The following CCDC141 variants were observed in gnomAD, a reference collection of about 807,000 sequenced individuals.
The protein encoded by CCDC141 is coiled-coil domain-containing protein 141.
A neutral mutation model predicts 181.0 loss-of-function variants in CCDC141; 168 were observed. The observed-to-expected ratio is 0.93, with a 90% CI of 0.82 to 1.05. CCDC141 has a LOEUF of 1.05. Ranked by LOEUF, CCDC141 falls within the 50% of genes least tolerant of loss-of-function variation. The probability of loss-of-function intolerance (pLI) is 0.00; values close to 1 mark genes in which losing one functional copy is unlikely to be tolerated. For synonymous variants in CCDC141, 666 were observed against 642.3 expected (o/e 1.04, Z -0.56); for missense variants, 1,902 against 1,788.5 (o/e 1.06, Z -1.14).
At chr2:178,903,752 A>G (rs1350600900) in intron 8 of CCDC141, among the ~76,000 whole-genome samples, 1 of 150,676 alleles carries the variant, frequency 6.6e-6, no homozygotes, top group Non-Finnish European at 1.5e-5. Flanking sequence ...AACTTAAAGT[A>G]TAGTAATAAT....
At chr2:178,926,334 A>G (rs975398477) in intron 6 of CCDC141, among the ~76,000 whole-genome samples, 4 of 152,214 alleles carry the variant, frequency 2.6e-5, no homozygotes, top group African/African-American at 9.6e-5. Context: ...GATAGATTCT[A>G]TAAAAATAGT....
At position 178,834,129 on chromosome 2, in the gene CCDC141, C is replaced by T. The variant is rs1684372304; in HGVS notation, c.*44G>A. 6.6e-7 allele frequency: 1 copy of T among 1,521,772 alleles called. No individual in the cohort carries two copies. Among genetic ancestry groups the T allele is most frequent in the Non-Finnish European group, 8.8e-7 (1 of 1,136,108 alleles). 94.3% of individuals were successfully genotyped at this position (1,521,772 alleles called of 1,614,324 possible). A position where few individuals can be genotyped will look rare whatever the true frequency, so the allele number is the denominator to read the frequency against. ...CAGGAAGATAAACGGCGGCACTTTTCTTTAGGCACATGAGAATGATGTCCA... is the reference window on the plus strand; with the variant it reads ...CAGGAAGATAAACGGCGGCACTTTTTTTTAGGCACATGAGAATGATGTCCA... On this transcript the variant is annotated 3_prime_UTR_variant, in exon 24 of 24. Transcript: ENST00000443758.
At chr2:178,819,723 A>G in the CCDC141 span, among the ~76,000 whole-genome samples, 1 of 152,168 alleles carries the variant, frequency 6.6e-6, no homozygotes, top group Non-Finnish European at 1.5e-5. Context: ...TACAGTGTAT[A>G]GGACAACCCC....
In CCDC141 at chr2:178,829,944, A is replaced by T. The variant is rs979654032; in HGVS notation, c.*4229T>A. On this transcript the variant is annotated 3_prime_UTR_variant, in exon 24 of 24. Transcript: ENST00000443758. ...TTTCCTTTCTTCATTTGGAATTCAA[A>T]TACTCTTAAGTTCTTGGATTTGGCT... 5 of 152,242 alleles carry T rather than the reference A, an allele frequency of 3.3e-5. No homozygotes were observed. Among genetic ancestry groups the T allele is most frequent in the African/African-American group, 9.6e-5 (4 of 41,470 alleles). The allele number at this position is 152,242 out of a possible 1,614,324, so 9.4% of individuals were successfully genotyped here. A position where few individuals can be genotyped will look rare whatever the true frequency, so the allele number is the denominator to read the frequency against.
At chr2:178,860,366 C>G (rs147235731) in intron 17 of CCDC141, among the ~76,000 whole-genome samples, 6 of 151,636 alleles carry the variant, frequency 4.0e-5, no homozygotes, top group Non-Finnish European at 7.4e-5. Flanking sequence ...AACCCCACCT[C>G]TACTAAAAAT....
At chr2:179,002,096 G>T in intron 2 of CCDC141, 1 of 195,578 alleles carries the variant, frequency 5.1e-6, no homozygotes, top group Non-Finnish European at 1.1e-5. Flanking sequence ...GGGATTACAA[G>T]CATAAGCCAC....
At chr2:178,858,953 T>A (rs1685495302) in intron 17 of CCDC141, among the ~76,000 whole-genome samples, 1 of 152,210 alleles carries the variant, frequency 6.6e-6, no homozygotes. Flanking sequence ...CATGAGATTT[T>A]AAATCTACTT....
chr2:178,976,664 A>G lies in CCDC141; in HGVS notation c.418-1499T>C, dbSNP rs545739213. Among the ~76,000 whole-genome samples the G allele has an allele frequency of 5.9e-5, 9 of 152,316 alleles. No homozygotes were observed. In the East Asian group the frequency reaches 1.7e-3, roughly 29 times the overall value. ...TCTTGTAATAATGATCAGCCATGCAATTATTAGTAATTTTTCATTTCTCAA... is the reference window on the plus strand; with the variant it reads ...TCTTGTAATAATGATCAGCCATGCAGTTATTAGTAATTTTTCATTTCTCAA... On this transcript the variant is annotated intron_variant, in intron 3 of 23. Coordinates refer to ENST00000443758, the MANE Select transcript of CCDC141 (RefSeq NM_173648.4).
At chr2:178,938,542 T>C (rs978352664) in intron 6 of CCDC141, among the ~76,000 whole-genome samples, 10 of 152,240 alleles carry the variant, frequency 6.6e-5, no homozygotes, top group Non-Finnish European at 1.2e-4. Flanking sequence ...GTATGTGCCA[T>C]GTGGTGATGA....
chr2:178,886,952 T>C (rs1317193025), intron 9 of CCDC141, 81 bp from the exon 10 acceptor site: 1 of 799,442 alleles, frequency 1.3e-6, no homozygotes, highest in East Asian at 3.4e-5. Flanking sequence ...AAGATAAATA[T>C]TATTTTATAG....
intron 3 of CCDC141, among the ~76,000 whole-genome samples, chr2:178,977,463 G>A (rs1691170142): frequency 2.0e-5 from 3 of 152,106 alleles, no homozygotes; most frequent in Admixed American, 2.0e-4. Flanking sequence ...TCTTTTCAGG[G>A]AAGAAAGATG....
In CCDC141 at chr2:178,980,808, C is replaced by T. The variant is rs558563307; in HGVS notation, c.226-2133G>A. Reference sequence around the variant, plus strand: ...TTAATTATTTTGCAATGTATACATACCTCAAGACATCATATTGTACAACTT... The same window carrying T: ...TTAATTATTTTGCAATGTATACATATCTCAAGACATCATATTGTACAACTT... On this transcript the variant is annotated intron_variant, in intron 2 of 23. Transcript: ENST00000443758. Among the ~76,000 whole-genome samples, 170 of 152,118 alleles carry T rather than the reference C, an allele frequency of 1.1e-3. 3 individuals carry two copies. Among genetic ancestry groups the T allele is most frequent in the African/African-American group, 3.8e-3 (157 of 41,476 alleles).
chr2:178,888,946 T>C (rs1452265935), intron 8 of CCDC141, among the ~76,000 whole-genome samples: 3 of 152,200 alleles, frequency 2.0e-5, no homozygotes, highest in Admixed American at 6.6e-5. Flanking sequence ...CTGTAGGATA[T>C]TTTGAAAACC....
At chr2:178,895,567 T>C (rs1282493122) in intron 8 of CCDC141, among the ~76,000 whole-genome samples, 1 of 152,206 alleles carries the variant, frequency 6.6e-6, no homozygotes, top group African/African-American at 2.4e-5. Flanking sequence ...CTTTCCACAC[T>C]AAGAGTTTTA....
chr2:179,044,971 C>CT (rs11413791), intron 2 of CCDC141, among the ~76,000 whole-genome samples: 93,066 of 150,134 alleles, frequency 0.62, 29,706 homozygotes, highest in East Asian at 0.78. Context: ...TGGGGTTTTT[C>CT]TTTTTTTTTC....
chr2:178,847,090 C>T (rs1041264248), intron 21 of CCDC141, among the ~76,000 whole-genome samples: 5 of 152,148 alleles, frequency 3.3e-5, no homozygotes, highest in Non-Finnish European at 5.9e-5. Context: ...ATGCTGATGC[C>T]TATTTCTCTT....
chr2:178,888,738 C>T, intron 8 of CCDC141, 70 bp from the exon 9 acceptor site: 2 of 1,508,112 alleles, frequency 1.3e-6, no homozygotes, highest in Non-Finnish European at 1.8e-6. Context: ...GAAAACAGAT[C>T]TGCTCTCATG....
At chr2:178,874,402 G>A (rs1166279091) in intron 12 of CCDC141, 1 of 152,164 alleles carries the variant, frequency 6.6e-6, no homozygotes, top group Non-Finnish European at 1.5e-5. Flanking sequence ...ATTTCTGGGA[G>A]ATCTAAGTGG....
chr2:178,912,975 G>A (rs1431962774), intron 7 of CCDC141, among the ~76,000 whole-genome samples: 1 of 152,194 alleles, frequency 6.6e-6, no homozygotes, highest in Non-Finnish European at 1.5e-5. Flanking sequence ...GCCAGGTTAA[G>A]GGTCTCTGCT....
Sources: allele counts gnomAD v4.1 joint callset (sites outside exome capture counted in the v4.1 genomes callset), GRCh38; gene constraint gnomAD v4.1.1; transcripts MANE v1.5; gene names NCBI Gene and HGNC (gene_info 2026-07-23, HGNC 2026-07-21).